CPSF4L: variants seen among roughly 807,000 people sequenced by gnomAD.
CPSF4L encodes putative cleavage and polyadenylation specificity factor subunit 4-like protein.
CPSF4L carries 18 observed loss-of-function variants against 24.0 expected under a neutral mutation model. That is an observed-to-expected ratio of 0.75 (90% confidence interval 0.52 to 1.11). The LOEUF is 1.11. CPSF4L is among the 50% of genes least tolerant of loss of function. The pLI is 0.00. For missense variants in CPSF4L, 211 were observed against 221.8 expected (o/e 0.95, Z 0.31); for synonymous variants, 72 against 77.2 (o/e 0.93, Z 0.35).
At chr17:73,246,428 C>T (rs1162243020), downstream of CPSF4L, among the ~76,000 whole-genome samples, 1 of 152,086 alleles carries the variant, frequency 6.6e-6, no homozygotes, top group Non-Finnish European at 1.5e-5. Flanking sequence ...CCCAGCTACT[C>T]AGGAGGTTGA....
chr17:73,262,172 C>A, upstream of CPSF4L: 1 of 211,952 alleles, frequency 4.7e-6, no homozygotes, highest in Non-Finnish European at 9.6e-6. Flanking sequence ...CAAACCTGGG[C>A]TCATACTTTG....
intron 2 of CPSF4L, among the ~76,000 whole-genome samples, 159 bp from the exon 3 acceptor site, chr17:73,257,992 G>A (rs546390444): frequency 2.7e-4 from 41 of 151,504 alleles, no homozygotes; most frequent in Middle Eastern, 3.4e-3. Flanking sequence ...ACTGGGAGCC[G>A]AGGCAGCATG....
downstream of CPSF4L, among the ~76,000 whole-genome samples, chr17:73,245,931 T>G (rs2061944641): frequency 6.6e-6 from 1 of 152,164 alleles, no homozygotes; most frequent in African/African-American, 2.4e-5. Context: ...TACTGAGAAA[T>G]TCCTCTCCAT....
chr17:73,251,161 A>G lies in CPSF4L; in HGVS notation c.497+1469T>C. On this transcript the variant is annotated intron_variant, in intron 5 of 5. Transcript: ENST00000344935. ...CTGCAGATAGTCCCTGTGTGCAGAC[A>G]CCAACTTCACAGAGGGCCGGGACGC... is the stretch of plus-strand genomic sequence containing the variant. 9.0e-6 allele frequency: 13 copies of G among 1,438,844 alleles called. 1 individual carries two copies. The South Asian group carries it at 1.9e-4, about 20-fold the overall frequency. 89.1% of individuals were successfully genotyped at this position (1,438,844 alleles called of 1,614,324 possible). A position where few individuals can be genotyped will look rare whatever the true frequency, so the allele number is the denominator to read the frequency against.
At chr17:73,244,969 T>C (rs545585277), downstream of CPSF4L, among the ~76,000 whole-genome samples, 27 of 152,324 alleles carry the variant, frequency 1.8e-4, no homozygotes, top group African/African-American at 6.5e-4. Context: ...CTTAAAGTTT[T>C]ACCAGTCTGA....
At chr17:73,257,161 A>G (rs2062027252) in intron 3 of CPSF4L, among the ~76,000 whole-genome samples, 1 of 152,234 alleles carries the variant, frequency 6.6e-6, no homozygotes, top group African/African-American at 2.4e-5. Context: ...TTATGTTTAC[A>G]ATGACCTTTG....
At chr17:73,247,521 G>A (rs1164031149), downstream of CPSF4L, 11 of 574,410 alleles carry the variant, frequency 1.9e-5, no homozygotes, top group Admixed American at 9.6e-5. Flanking sequence ...AGTATCACTT[G>A]TCATAATCAG....
chr17:73,254,486 C>T (rs186613751), intron 3 of CPSF4L, among the ~76,000 whole-genome samples: 3 of 152,328 alleles, frequency 2.0e-5, no homozygotes, highest in Admixed American at 2.0e-4. Context: ...GAGCCCTGCT[C>T]AAGGTGGCAC....
downstream of CPSF4L, chr17:73,245,686 G>A (rs1467039102): frequency 2.0e-6 from 2 of 985,278 alleles, no homozygotes; most frequent in East Asian, 1.1e-4. Flanking sequence ...TTGATAAGGT[G>A]TGAGAAACAC....
chr17:73,258,096 G>A (rs1302825755), intron 2 of CPSF4L, among the ~76,000 whole-genome samples: 1 of 150,870 alleles, frequency 6.6e-6, no homozygotes, highest in African/African-American at 2.4e-5. Flanking sequence ...TGCAAGCTCC[G>A]CCTCCTGGGT....
In CPSF4L at chr17:73,252,625, C is replaced by T; in HGVS notation, c.497+5G>A. 6.5e-7 allele frequency: 1 copy of T among 1,536,366 alleles called. No homozygotes were observed. Among genetic ancestry groups the T allele is most frequent in the Non-Finnish European group, 8.8e-7 (1 of 1,133,012 alleles). On this transcript the variant is annotated splice_donor_5th_base_variant and intron_variant, in intron 5 of 5. Coordinates refer to ENST00000344935, the MANE Select transcript of CPSF4L (RefSeq NM_001129885.1). The stretch of plus-strand genomic sequence containing the variant: ...GGGAGTTGGTAACTGAGGGATCATA[C>T]TTACTGAGCAAATTGGCACTTGGGT...
chr17:73,254,775 C>G (rs564376455), intron 3 of CPSF4L, among the ~76,000 whole-genome samples: 1 of 152,180 alleles, frequency 6.6e-6, no homozygotes, highest in African/African-American at 2.4e-5. Flanking sequence ...TCCCAAGTAG[C>G]TGGGATTACA....
At chr17:73,249,301 G>A (rs2061992120) in intron 5 of CPSF4L, among the ~76,000 whole-genome samples, 1 of 152,178 alleles carries the variant, frequency 6.6e-6, no homozygotes, top group African/African-American at 2.4e-5. Context: ...TGTGCCGAGT[G>A]CCATGCAAGG....
chr17:73,263,376 G>A (rs1047139708), upstream of CPSF4L, among the ~76,000 whole-genome samples: 1 of 152,144 alleles, frequency 6.6e-6, no homozygotes, highest in Non-Finnish European at 1.5e-5. Context: ...CCTCAGAGAT[G>A]GCCCCATCAA....
At chr17:73,242,310 C>G in the CPSF4L span, 29 of 1,605,558 alleles carry the variant, frequency 1.8e-5, no homozygotes, top group Non-Finnish European at 2.4e-5. Context: ...CTTACAACCT[C>G]CAACTTCTCT....
chr17:73,263,378 C>A (rs1286136042), upstream of CPSF4L, among the ~76,000 whole-genome samples: 1 of 152,080 alleles, frequency 6.6e-6, no homozygotes, highest in African/African-American at 2.4e-5. Flanking sequence ...TCAGAGATGG[C>A]CCCATCAAGG....
chr17:73,260,120 A>G (rs1451147051), intron 2 of CPSF4L, among the ~76,000 whole-genome samples: 2 of 152,142 alleles, frequency 1.3e-5, no homozygotes, highest in Non-Finnish European at 2.9e-5. Context: ...TAGCATTTCA[A>G]AGATGGTGGC....
At chr17:73,260,903 C>G in intron 2 of CPSF4L, 30 bp downstream of exon 2, 1 of 1,545,988 alleles carries the variant, frequency 6.5e-7, no homozygotes, top group African/African-American at 1.4e-5. Flanking sequence ...ACTCACCCAG[C>G]TTGGGGCCCA....
chr17:73,251,243 G>A, intron 5 of CPSF4L: 1 of 1,070,064 alleles, frequency 9.3e-7, no homozygotes, highest in Non-Finnish European at 1.2e-6. Context: ...ACAGTTTTAA[G>A]TGCCAAAAGC....
Sources: allele counts gnomAD v4.1 joint callset (sites outside exome capture counted in the v4.1 genomes callset), GRCh38; gene constraint gnomAD v4.1.1; transcripts MANE v1.5; gene names NCBI Gene and HGNC (gene_info 2026-07-23, HGNC 2026-07-21).